ACOXL: variants seen among roughly 807,000 people sequenced by gnomAD.
The protein encoded by ACOXL is acyl-coenzyme A oxidase-like protein.
In ACOXL, 70 loss-of-function variants were observed where a neutral mutation model predicts 71.9. The ratio of observed to expected loss-of-function variants is 0.97; its 90% CI spans 0.80 to 1.19. ACOXL has a LOEUF of 1.19. Ranked by LOEUF, ACOXL falls within the 50% of genes most tolerant of loss-of-function variation. The pLI is 0.00. For synonymous variants in ACOXL, 253 were observed against 281.6 expected, an observed-to-expected ratio of 0.90 and a Z score of 1.02; for missense variants, 703 against 736.3, an observed-to-expected ratio of 0.95 and a Z score of 0.52.
intron 10 of ACOXL, among the ~76,000 whole-genome samples, chr2:110,861,246 ACTTT>A (rs1051082643): frequency 6.6e-5 from 10 of 152,176 alleles, no homozygotes; most frequent in Admixed American, 5.2e-4. Context: ...GAAACCTCTG[ACTTT>A]CTTTTTGCTT....
intron 9 of ACOXL, among the ~76,000 whole-genome samples, chr2:110,812,396 G>A (rs1687437743): frequency 6.6e-6 from 1 of 152,122 alleles, no homozygotes; most frequent in African/African-American, 2.4e-5. Flanking sequence ...TTGTTGTACA[G>A]ATTATTTCAT....
intron 17 of ACOXL, among the ~76,000 whole-genome samples, chr2:111,112,309 C>T (rs556858539): frequency 6.6e-6 from 1 of 152,320 alleles, no homozygotes; most frequent in South Asian, 2.1e-4. Context: ...AGGTCTGACC[C>T]TCCCTGGAGG....
At chr2:110,960,188 C>T (rs1380987004) in intron 12 of ACOXL, among the ~76,000 whole-genome samples, 3 of 152,132 alleles carry the variant, frequency 2.0e-5, no homozygotes, top group East Asian at 1.9e-4. Flanking sequence ...CAAAACCCCA[C>T]GGAAGTGGGC....
At chr2:110,762,285 T>A (rs553659306) in intron 1 of ACOXL, among the ~76,000 whole-genome samples, 1 of 152,368 alleles carries the variant, frequency 6.6e-6, no homozygotes, top group South Asian at 2.1e-4. Context: ...CTTAAAAAAT[T>A]CATTCTACCA....
intron 16 of ACOXL, among the ~76,000 whole-genome samples, chr2:111,069,145 C>CTTTTT (rs1234410019): frequency 1.1e-4 from 15 of 135,280 alleles, no homozygotes; most frequent in South Asian, 2.4e-4. Context: ...TCTTCTTTTT[C>CTTTTT]TTTTTTTTTT....
At chr2:110,818,601 C>T (rs1447217377) in intron 9 of ACOXL, among the ~76,000 whole-genome samples, 2 of 151,564 alleles carry the variant, frequency 1.3e-5, no homozygotes, top group Non-Finnish European at 2.9e-5. Flanking sequence ...TATGCCTATG[C>T]TCCATTTTAA....
At chr2:111,035,109 G>T (rs974959436) in intron 15 of ACOXL, among the ~76,000 whole-genome samples, 1 of 151,950 alleles carries the variant, frequency 6.6e-6, no homozygotes, top group Non-Finnish European at 1.5e-5. Flanking sequence ...CTCGTGATCT[G>T]CCCACCTCGG....
At chr2:110,982,040 G>A (rs1317801704) in intron 12 of ACOXL, among the ~76,000 whole-genome samples, 1 of 152,202 alleles carries the variant, frequency 6.6e-6, no homozygotes, top group Non-Finnish European at 1.5e-5. Context: ...TCTTAAGTTC[G>A]ATTGAATTGT....
chr2:110,813,702 C>G (rs1174632204), intron 9 of ACOXL, among the ~76,000 whole-genome samples: 1 of 152,188 alleles, frequency 6.6e-6, no homozygotes, highest in African/African-American at 2.4e-5. Flanking sequence ...GCTCATTGCT[C>G]CATTCCTTTG....
At chr2:110,836,019 T>G (rs573758653) in intron 9 of ACOXL, among the ~76,000 whole-genome samples, 49 of 152,212 alleles carry the variant, frequency 3.2e-4, no homozygotes, top group Non-Finnish European at 6.6e-4. Context: ...TCACTGTTAC[T>G]TCCACCAGCA....
At chr2:111,032,396 G>A (rs186195915) in intron 15 of ACOXL, among the ~76,000 whole-genome samples, 2 of 152,304 alleles carry the variant, frequency 1.3e-5, no homozygotes, top group Non-Finnish European at 2.9e-5. Context: ...TGCTGAGATT[G>A]AGAAACTTGA....
chr2:110,852,516 C>T (rs1285529254), intron 10 of ACOXL, among the ~76,000 whole-genome samples: 1 of 152,202 alleles, frequency 6.6e-6, no homozygotes, highest in Non-Finnish European at 1.5e-5. Flanking sequence ...TCTAAATCTG[C>T]CTCCCTCAGT....
At chr2:111,095,237 A>AT (rs397726503) in intron 17 of ACOXL, among the ~76,000 whole-genome samples, 1 of 150,698 alleles carries the variant, frequency 6.6e-6, no homozygotes, top group Non-Finnish European at 1.5e-5. Context: ...AAAAAAAAAA[A>AT]CCTACATAAG....
chr2:110,864,765 C>G (rs965654351), intron 10 of ACOXL, among the ~76,000 whole-genome samples: 3 of 152,218 alleles, frequency 2.0e-5, no homozygotes, highest in African/African-American at 4.8e-5. Flanking sequence ...ATACAGTCCA[C>G]TTTTTGGCCC....
At chr2:110,983,842 G>T (rs2062818171) in intron 12 of ACOXL, among the ~76,000 whole-genome samples, 1 of 152,052 alleles carries the variant, frequency 6.6e-6, no homozygotes, top group African/African-American at 2.4e-5. Context: ...TATTATGTAA[G>T]AGATCACTTT....
chr2:110,893,997 A>C (rs750869567), intron 10 of ACOXL, among the ~76,000 whole-genome samples: 17 of 152,104 alleles, frequency 1.1e-4, no homozygotes, highest in Non-Finnish European at 1.9e-4. Context: ...TCTGTTGTTT[A>C]TCGCTCTTTA....
At chr2:110,886,380 C>CTTT (rs751607372) in intron 10 of ACOXL, among the ~76,000 whole-genome samples, 38,431 of 131,060 alleles carry the variant, frequency 0.29, 5,730 homozygotes, top group Non-Finnish European at 0.34. Flanking sequence ...CCTTCTTTTT[C>CTTT]TTTTTTTTTT....
At chr2:110,856,591 T>C (rs1465275866) in intron 10 of ACOXL, among the ~76,000 whole-genome samples, 2 of 152,134 alleles carry the variant, frequency 1.3e-5, no homozygotes, top group Non-Finnish European at 2.9e-5. Context: ...ACCTGTGAAA[T>C]TGTGAAGAAG....
At chr2:111,056,962 A>T (rs2066572067) in intron 16 of ACOXL, among the ~76,000 whole-genome samples, 1 of 152,140 alleles carries the variant, frequency 6.6e-6, no homozygotes, top group Non-Finnish European at 1.5e-5. Context: ...ACAAATATCC[A>T]TAAAATGTGG....
Sources: gnomAD v4.1 joint callset for allele counts (sites outside exome capture counted in the v4.1 genomes callset) on GRCh38, gnomAD v4.1.1 for gene constraint, MANE v1.5 for transcripts, NCBI Gene and HGNC (gene_info 2026-07-23, HGNC 2026-07-21) for gene names.